NDUFAF7: variants seen among roughly 807,000 people sequenced by gnomAD.
NDUFAF7 encodes NADH:ubiquinone oxidoreductase complex assembly factor 7.
Under a neutral mutation model 47.2 loss-of-function variants are expected in NDUFAF7, and 48 were observed. The observed-to-expected ratio is 1.02, with a 90% CI of 0.81 to 1.29. The LOEUF (loss-of-function observed/expected upper bound fraction) is 1.29. NDUFAF7 is among the 50% of genes most tolerant of loss of function. The pLI is 0.00. For missense variants in NDUFAF7, 635 were observed against 537.6 expected (o/e 1.18, Z -1.79); for synonymous variants, 217 against 190.0 (o/e 1.14, Z -1.17).
At chr2:37,249,643 GACACACACACACACACAC>G (rs56208997), downstream of NDUFAF7, among the ~76,000 whole-genome samples, 3 of 132,524 alleles carry the variant, frequency 2.3e-5, no homozygotes, top group Admixed American at 7.8e-5. Context: ...CTGTGATAGA[GACACACACACACACACAC>G]ACACACACAC....
chr2:37,265,738 G>A, the NDUFAF7 span, among the ~76,000 whole-genome samples: 1 of 152,158 alleles, frequency 6.6e-6, no homozygotes, highest in African/African-American at 2.4e-5. Flanking sequence ...ATTAAATTTA[G>A]TATGAAAATA....
rs372126937 is a variant in NDUFAF7 at position 37,236,101 on chromosome 2, T to G, written c.222T>G (p.Tyr74Ter). The change falls in exon 3 of 10, where the codon TAT (tyrosine) becomes TAG (stop). Residue 74 changes from tyrosine (Y) to a stop codon, truncating the protein, a stop_gained. Transcript: ENST00000002125. LOFTEE classifies it high-confidence loss of function. ...TATTTTCTCTTTTTACTCAGGGTTA[T>G]TATGTGTACCGTGACATGCTAGGCG... ...KEVLTNPAKG[Y>*]YVYRDMLGEK... 1 of 1,612,092 alleles carries G rather than the reference T, an allele frequency of 6.2e-7. No homozygotes were observed. Among genetic ancestry groups the G allele is most frequent in the South Asian group, 1.1e-5 (1 of 91,042 alleles).
At chr2:37,264,065 T>C in the NDUFAF7 span, among the ~76,000 whole-genome samples, 21 of 152,274 alleles carry the variant, frequency 1.4e-4, no homozygotes, top group African/African-American at 4.6e-4. Context: ...AAAAGAAACA[T>C]TTTACATTAC....
chr2:37,239,116 C>G (rs1572544425), intron 4 of NDUFAF7, among the ~76,000 whole-genome samples: 1 of 146,088 alleles, frequency 6.8e-6, no homozygotes, highest in Admixed American at 7.0e-5. Flanking sequence ...TTTTTTCTTT[C>G]TCTTTTTTTT....
chr2:37,254,096 G>T, downstream of NDUFAF7: 1 of 786,036 alleles, frequency 1.3e-6, no homozygotes, highest in Non-Finnish European at 2.2e-6. Flanking sequence ...AATCACTTAA[G>T]AGCACTTTTA....
intron 2 of NDUFAF7, among the ~76,000 whole-genome samples, chr2:37,234,969 C>G (rs1327098869): frequency 1.3e-5 from 2 of 152,140 alleles, no homozygotes; most frequent in Admixed American, 1.3e-4. Context: ...ATATTTAACT[C>G]AATTCTTGAG....
chr2:37,243,513 A>C (rs368153288), intron 6 of NDUFAF7, among the ~76,000 whole-genome samples: 1 of 152,116 alleles, frequency 6.6e-6, no homozygotes, highest in East Asian at 1.9e-4. Context: ...ATTTGGTGAT[A>C]ATGTATATGT....
downstream of NDUFAF7, among the ~76,000 whole-genome samples, chr2:37,255,309 GAAA>G (rs869154365): frequency 2.0e-5 from 2 of 99,040 alleles, no homozygotes; most frequent in African/African-American, 8.9e-5. Context: ...AGTACTTTTG[GAAA>G]AACAAAAAAG....
the NDUFAF7 span, among the ~76,000 whole-genome samples, chr2:37,263,874 T>C: frequency 6.6e-6 from 1 of 152,202 alleles, no homozygotes; most frequent in Non-Finnish European, 1.5e-5. Context: ...GTTAATCATT[T>C]TTCTTATAGC....
intron 8 of NDUFAF7, chr2:37,247,231 T>TA (rs1225082898): frequency 1.6e-5 from 9 of 580,018 alleles, no homozygotes; most frequent in African/African-American, 3.8e-5. Flanking sequence ...CATTTTTTTT[T>TA]ATGGCTGTGT....
At chr2:37,251,293 T>C (rs1667468838), downstream of NDUFAF7, 1 of 152,602 alleles carries the variant, frequency 6.6e-6, no homozygotes, top group Non-Finnish European at 1.5e-5. Context: ...GAGGTATTTA[T>C]GGGTAGATAG....
At chr2:37,242,961 G>A (rs1666507136) in intron 6 of NDUFAF7, among the ~76,000 whole-genome samples, 1 of 152,064 alleles carries the variant, frequency 6.6e-6, no homozygotes, top group African/African-American at 2.4e-5. Context: ...GTAACTGGCT[G>A]TGGTGCAATG....
At chr2:37,261,634 G>C in the NDUFAF7 span, among the ~76,000 whole-genome samples, 2 of 150,238 alleles carry the variant, frequency 1.3e-5, no homozygotes, top group African/African-American at 5.0e-5. Flanking sequence ...TACAAAATTA[G>C]CCGGGTGTGG....
At chr2:37,253,833 C>A (rs1171174634), downstream of NDUFAF7, among the ~76,000 whole-genome samples, 1 of 152,120 alleles carries the variant, frequency 6.6e-6, no homozygotes, top group Non-Finnish European at 1.5e-5. Context: ...TTTGATAAAT[C>A]TATAAAGTAA....
the NDUFAF7 span, among the ~76,000 whole-genome samples, chr2:37,271,096 A>G: frequency 6.6e-6 from 1 of 152,216 alleles, no homozygotes; most frequent in Non-Finnish European, 1.5e-5. Context: ...TCTTCATTGC[A>G]GTCTTAGAAA....
the NDUFAF7 span, among the ~76,000 whole-genome samples, chr2:37,261,044 C>A: frequency 9.3e-4 from 141 of 152,326 alleles, no homozygotes; most frequent in Middle Eastern, 3.4e-3. Context: ...TGCTCAAACA[C>A]CTTCAGTGGC....
chr2:37,241,608 A>C lies in NDUFAF7; in HGVS notation c.439A>C (p.Asn147His). The change falls in exon 5 of 10, where the codon AAT becomes CAT. Residue 147 changes from asparagine (N) to histidine (H), a missense_variant. Physicochemically the swap from Asn to His is moderately conservative, Grantham distance 68 (BLOSUM62 1). Coordinates refer to ENST00000002125, the MANE Select transcript of NDUFAF7 (RefSeq NM_144736.5). ...VFTQLGSVLKNCDISVHLVEV... is the reference protein window; with the variant it reads ...VFTQLGSVLKHCDISVHLVEV... ...CACTCAACTTGGATCTGTGCTGAAA[A>C]ATTGTGACATTTCAGTACATCTGGT... 1 of 1,613,844 alleles carries C rather than the reference A, an allele frequency of 6.2e-7. No homozygotes were observed. Among genetic ancestry groups the C allele is most frequent in the Non-Finnish European group, 8.5e-7 (1 of 1,179,922 alleles).
At chr2:37,252,143 A>C (rs918624001), downstream of NDUFAF7, 4 of 152,198 alleles carry the variant, frequency 2.6e-5, no homozygotes, top group Non-Finnish European at 5.9e-5. Flanking sequence ...AATTGACTTT[A>C]AAACACTCCA....
rs1665719243 is a variant in NDUFAF7, at chr2:37,236,093, C to T, written c.217-3C>T. The T allele has an allele frequency of 1.2e-6, 2 of 1,609,466 alleles. No individual in the cohort carries two copies. The highest frequency in any genetic ancestry group is 2.7e-5 in the African/African-American group (2 of 74,790). On this transcript the variant is annotated splice_polypyrimidine_tract_variant and splice_region_variant and intron_variant, in intron 2 of 9. Transcript: ENST00000002125. ...TGTTTCTCTATTTTCTCTTTTTACT[C>T]AGGGTTATTATGTGTACCGTGACAT...
Sources: allele counts gnomAD v4.1 joint callset (sites outside exome capture counted in the v4.1 genomes callset), GRCh38; gene constraint gnomAD v4.1.1; transcripts MANE v1.5; gene names NCBI Gene and HGNC (gene_info 2026-07-23, HGNC 2026-07-21).